Variants in FER observed in about 807,000 individuals in gnomAD.
FER encodes the protein FER tyrosine kinase.
Under a neutral mutation model 111.0 loss-of-function variants are expected in FER, and 63 were observed. The observed-to-expected ratio is 0.57, with a 90% confidence interval of 0.46 to 0.70. FER has a LOEUF of 0.70. Ranked by LOEUF, FER falls within the 30% of genes least tolerant of loss-of-function variation. The pLI, the probability that FER is intolerant of heterozygous loss-of-function variation, is 0.00. For synonymous variants in FER, 327 were observed against 313.9 expected (o/e 1.04, Z -0.44); for missense variants, 914 against 954.0 (o/e 0.96, Z 0.55).
At chr5:109,170,159 A>T (rs1028139899) in intron 17 of FER, among the ~76,000 whole-genome samples, 2 of 152,168 alleles carry the variant, frequency 1.3e-5, no homozygotes, top group Non-Finnish European at 2.9e-5. Context: ...ATTATAAACC[A>T]TAACAAATGA....
intron 13 of FER, among the ~76,000 whole-genome samples, chr5:108,970,862 G>A (rs1388990249): frequency 6.6e-6 from 1 of 152,142 alleles, no homozygotes; most frequent in East Asian, 1.9e-4. Flanking sequence ...GAAAAGTTTA[G>A]GTTAAAATCA....
intron 16 of FER, among the ~76,000 whole-genome samples, chr5:109,054,613 A>G (rs560708594): frequency 5.3e-5 from 8 of 152,096 alleles, no homozygotes; most frequent in South Asian, 2.1e-4. Context: ...TAATTAATCA[A>G]TTTTTTTCTT....
chr5:108,845,098 T>A (rs2150170571), intron 5 of FER, among the ~76,000 whole-genome samples: 1 of 115,120 alleles, frequency 8.7e-6, no homozygotes, highest in Admixed American at 9.2e-5. Context: ...ACACACACAA[T>A]TGATTTTTGA....
intron 2 of FER, among the ~76,000 whole-genome samples, chr5:108,796,864 C>G (rs187117685): frequency 6.6e-6 from 1 of 152,004 alleles, no homozygotes; most frequent in African/African-American, 2.4e-5. Flanking sequence ...GTGCTCTACC[C>G]CACTGTGTTC....
chr5:108,841,988 G>A lies in FER; in HGVS notation c.481+6181G>A, dbSNP rs146781082. The A allele has an allele frequency of 3.0e-4, 49 of 164,066 alleles. No homozygotes were observed. The East Asian group carries it at 8.4e-3, about 28-fold the overall frequency. The allele number at this position is 164,066 out of a possible 1,614,324, so 10.2% of individuals were successfully genotyped here. A position where few individuals can be genotyped will look rare whatever the true frequency, so the allele number is the denominator to read the frequency against. On this transcript the variant is annotated intron_variant, in intron 5 of 19. Transcript: ENST00000281092. Reference sequence around the variant, plus strand: ...GAGATAACCTGAGAAATTTTACCCAGACAGGATATTTGATATTAAGGAAAT... The same window carrying A: ...GAGATAACCTGAGAAATTTTACCCAAACAGGATATTTGATATTAAGGAAAT...
chr5:109,093,980 A>G lies in FER; in HGVS notation c.1925-6416A>G, dbSNP rs947264963. Among the ~76,000 whole-genome samples the G allele has an allele frequency of 5.3e-5, 8 of 152,296 alleles. No individual in the cohort carries two copies. The East Asian group carries it at 1.5e-3, about 29-fold the overall frequency. On this transcript the variant is annotated intron_variant, in intron 16 of 19. Coordinates refer to ENST00000281092, the MANE Select transcript of FER (RefSeq NM_005246.4). ...GAGAGGGATAAGAAGCCAAAAATATAAAATGAGTAGTTTAGCATCAAAGTA... is the reference window on the plus strand; with the variant it reads ...GAGAGGGATAAGAAGCCAAAAATATGAAATGAGTAGTTTAGCATCAAAGTA...
intron 10 of FER, among the ~76,000 whole-genome samples, chr5:108,904,510 T>G (rs971569157): frequency 6.6e-6 from 1 of 152,156 alleles, no homozygotes; most frequent in Non-Finnish European, 1.5e-5. Flanking sequence ...AGATAGGGTC[T>G]GAGAAGTAAT....
At chr5:109,025,802 C>A (rs1417769736) in intron 13 of FER, among the ~76,000 whole-genome samples, 1 of 151,962 alleles carries the variant, frequency 6.6e-6, no homozygotes, top group East Asian at 1.9e-4. Flanking sequence ...CCCATCAATA[C>A]CTAATTTATT....
chr5:109,114,541 C>T (rs9326758), intron 17 of FER, among the ~76,000 whole-genome samples: 46,958 of 151,822 alleles, frequency 0.31, 7,437 homozygotes, highest in Non-Finnish European at 0.34. Flanking sequence ...GCTCTGTAAC[C>T]TTTTCTTCAG....
intron 16 of FER, among the ~76,000 whole-genome samples, chr5:109,058,004 A>T (rs1773865105): frequency 6.6e-6 from 1 of 152,200 alleles, no homozygotes; most frequent in South Asian, 2.1e-4. Context: ...CAAATTTAAC[A>T]ATATATAAGA....
At chr5:108,750,918 C>T (rs937734374) in intron 1 of FER, among the ~76,000 whole-genome samples, 1 of 152,160 alleles carries the variant, frequency 6.6e-6, no homozygotes, top group Non-Finnish European at 1.5e-5. Flanking sequence ...TGTGGCCGGG[C>T]GCGGTGGCTC....
rs377655558 is a variant in FER at position 109,187,783 on chromosome 5, T to C, written c.*208T>C. The C allele has an allele frequency of 2.4e-5, 14 of 585,176 alleles. No individual in the cohort carries two copies. In the East Asian group the frequency reaches 3.9e-4, roughly 16 times the overall value. The allele number at this position is 585,176 out of a possible 1,614,324, so 36.2% of individuals were successfully genotyped here. A position where few individuals can be genotyped will look rare whatever the true frequency, so the allele number is the denominator to read the frequency against. Reference sequence around the variant, plus strand: ...GAAATAGGCAGTCCTACCAAGGGCTTTCTTAGCTAACCATAGCAATCCTAC... The same window carrying C: ...GAAATAGGCAGTCCTACCAAGGGCTCTCTTAGCTAACCATAGCAATCCTAC... On this transcript the variant is annotated 3_prime_UTR_variant, in exon 20 of 20. Coordinates refer to ENST00000281092, the MANE Select transcript of FER (RefSeq NM_005246.4).
chr5:109,093,372 TATA>T (rs1291568975), intron 16 of FER, among the ~76,000 whole-genome samples: 2 of 152,202 alleles, frequency 1.3e-5, no homozygotes, highest in Non-Finnish European at 2.9e-5. Context: ...ATTATTTCAA[TATA>T]ATATTTCTGT....
At chr5:109,055,805 A>T (rs1773558221) in intron 16 of FER, among the ~76,000 whole-genome samples, 1 of 150,708 alleles carries the variant, frequency 6.6e-6, no homozygotes, top group Non-Finnish European at 1.5e-5. Context: ...AAAAAAAAAA[A>T]AAATCACATA....
At chr5:109,142,085 A>G (rs1440188950) in intron 17 of FER, among the ~76,000 whole-genome samples, 1 of 152,086 alleles carries the variant, frequency 6.6e-6, no homozygotes, top group Non-Finnish European at 1.5e-5. Context: ...TTCACATAGT[A>G]ACTTTGGGCT....
chr5:108,802,524 ATAT>A (rs1327665893), intron 3 of FER, among the ~76,000 whole-genome samples: 1 of 151,504 alleles, frequency 6.6e-6, no homozygotes, highest in African/African-American at 2.4e-5. Context: ...CTCCCCTCTA[ATAT>A]TCTGTAGTGC....
chr5:108,951,638 A>T (rs1486123146), intron 11 of FER, among the ~76,000 whole-genome samples: 1 of 152,208 alleles, frequency 6.6e-6, no homozygotes, highest in Non-Finnish European at 1.5e-5. Flanking sequence ...TCAGAATTTA[A>T]AAAAGTTTGT....
At position 108,806,822 on chromosome 5, in the gene FER, AG is replaced by A. The variant is rs536837463; in HGVS notation, c.207+8436del. Among the ~76,000 whole-genome samples, 441 of 152,288 alleles carry A rather than the reference AG, an allele frequency of 2.9e-3. 1 individual carries two copies. Among genetic ancestry groups the A allele is most frequent in the Middle Eastern group, 6.8e-3 (2 of 294 alleles). On this transcript the variant is annotated intron_variant, in intron 3 of 19. Transcript: ENST00000281092. ...TTGATTTTACAAGTTCATAGGCGGA[AG>A]GGACTTGCCTTGTCTCAGATGAGAC...
intron 10 of FER, among the ~76,000 whole-genome samples, chr5:108,899,568 G>T (rs1581117194): frequency 6.6e-6 from 1 of 152,088 alleles, no homozygotes; most frequent in Non-Finnish European, 1.5e-5. Context: ...GGAGGCCGAG[G>T]TGGGTGGATC....
Sources: gnomAD v4.1 joint callset for allele counts (sites outside exome capture counted in the v4.1 genomes callset) on GRCh38, gnomAD v4.1.1 for gene constraint, MANE v1.5 for transcripts, NCBI Gene and HGNC (gene_info 2026-07-23, HGNC 2026-07-21) for gene names.